Variants in SLCO3A1 observed in about 807,000 individuals in gnomAD.
SLCO3A1 encodes the protein solute carrier organic anion transporter family member 3A1.
SLCO3A1 carries 27 observed loss-of-function variants against 63.1 expected under a neutral mutation model. The ratio of observed to expected loss-of-function variants is 0.43; its 90% confidence interval spans 0.32 to 0.59. SLCO3A1 has a LOEUF of 0.59. Among genes scored for constraint, SLCO3A1 ranks in the 20% least tolerant of loss-of-function variants. The pLI is 0.09. For synonymous variants in SLCO3A1, 473 were observed against 409.9 expected (o/e 1.15, Z -1.86); for missense variants, 773 against 945.8 (o/e 0.82, Z 2.40).
At chr15:91,945,706 T>C (rs1327183734) in intron 2 of SLCO3A1, among the ~76,000 whole-genome samples, 1 of 152,202 alleles carries the variant, frequency 6.6e-6, no homozygotes, top group Non-Finnish European at 1.5e-5. Context: ...CTGAGTGTAA[T>C]GGGAATCCAC....
At chr15:91,997,832 T>C (rs2046209564) in intron 2 of SLCO3A1, among the ~76,000 whole-genome samples, 1 of 152,190 alleles carries the variant, frequency 6.6e-6, no homozygotes, top group Non-Finnish European at 1.5e-5. Flanking sequence ...ACTGGACCCC[T>C]ATCTTTCAAC....
intron 1 of SLCO3A1, among the ~76,000 whole-genome samples, chr15:91,857,696 C>T (rs1896959182): frequency 6.6e-6 from 1 of 152,104 alleles, no homozygotes; most frequent in Non-Finnish European, 1.5e-5. Flanking sequence ...TGTTTTAAGC[C>T]ACTCGCTGAG....
At chr15:91,977,683 G>A (rs1423578801) in intron 2 of SLCO3A1, among the ~76,000 whole-genome samples, 1 of 152,022 alleles carries the variant, frequency 6.6e-6, no homozygotes, top group Non-Finnish European at 1.5e-5. Context: ...GGTGATGGGT[G>A]CACTAAAATC....
rs560164964 is a variant in SLCO3A1, at chr15:92,157,430, C to G, written c.1754-5326C>G. Among the ~76,000 whole-genome samples, 9 of 152,228 alleles carry G rather than the reference C, an allele frequency of 5.9e-5. No individual in the cohort carries two copies. In the South Asian group the frequency reaches 8.3e-4, roughly 14 times the overall value. Reference sequence around the variant, plus strand: ...GGACACTAAAGTACACCTGGCCCCCCCCCTTGTCCTCCCTTCTGGACACAC... The same window carrying G: ...GGACACTAAAGTACACCTGGCCCCCGCCCTTGTCCTCCCTTCTGGACACAC... On this transcript the variant is annotated intron_variant, in intron 9 of 9. Transcript: ENST00000318445.
intron 2 of SLCO3A1, among the ~76,000 whole-genome samples, chr15:92,004,495 C>T (rs776609337): frequency 1.3e-5 from 2 of 152,204 alleles, no homozygotes; most frequent in Non-Finnish European, 2.9e-5. Context: ...TTCTGCTCCA[C>T]GCAGCATTAG....
intron 2 of SLCO3A1, among the ~76,000 whole-genome samples, chr15:91,922,373 G>A (rs1229472385): frequency 6.6e-6 from 1 of 152,192 alleles, no homozygotes; most frequent in Non-Finnish European, 1.5e-5. Context: ...ACACAAAAAT[G>A]TGTCACGTTT....
chr15:91,963,888 T>C (rs1313659980), intron 2 of SLCO3A1, among the ~76,000 whole-genome samples: 10 of 152,114 alleles, frequency 6.6e-5, no homozygotes, highest in Admixed American at 6.5e-4. Flanking sequence ...AGGTTGCCGC[T>C]GCTATTTCGG....
At chr15:92,011,574 A>C (rs1323213829) in intron 2 of SLCO3A1, among the ~76,000 whole-genome samples, 2 of 152,232 alleles carry the variant, frequency 1.3e-5, no homozygotes, top group Non-Finnish European at 2.9e-5. Flanking sequence ...AAAATGCAAG[A>C]ATCCCCCACT....
intron 2 of SLCO3A1, among the ~76,000 whole-genome samples, chr15:91,998,439 G>C (rs996253204): frequency 6.6e-6 from 1 of 152,000 alleles, no homozygotes; most frequent in African/African-American, 2.4e-5. Context: ...GGGTGACAGA[G>C]TGAGACTCTG....
At chr15:91,925,829 G>A (rs1276619695) in intron 2 of SLCO3A1, among the ~76,000 whole-genome samples, 1 of 152,154 alleles carries the variant, frequency 6.6e-6, no homozygotes, top group Non-Finnish European at 1.5e-5. Flanking sequence ...GAGCAAAAGG[G>A]CTTCCTAGAT....
chr15:92,014,113 A>G (rs547221796), intron 2 of SLCO3A1, among the ~76,000 whole-genome samples: 8 of 151,836 alleles, frequency 5.3e-5, no homozygotes, highest in Non-Finnish European at 7.4e-5. Context: ...ACCTGAGCCC[A>G]TTTTCCTTTG....
intron 1 of SLCO3A1, among the ~76,000 whole-genome samples, chr15:91,890,854 C>G (rs1374767626): frequency 6.6e-6 from 1 of 152,168 alleles, no homozygotes; most frequent in East Asian, 1.9e-4. Flanking sequence ...CTGCCCTGGC[C>G]AGACTGCGAG....
At chr15:91,855,474 C>A (rs1896894012) in intron 1 of SLCO3A1, among the ~76,000 whole-genome samples, 1 of 152,208 alleles carries the variant, frequency 6.6e-6, no homozygotes, top group South Asian at 2.1e-4. Context: ...GCGTTTACAT[C>A]CCGGTCTCTG....
chr15:91,918,137 G>A (rs1287767308), intron 2 of SLCO3A1, among the ~76,000 whole-genome samples: 5 of 152,200 alleles, frequency 3.3e-5, no homozygotes, highest in African/African-American at 1.2e-4. Context: ...CCCCACACTG[G>A]GTGAGGGTTG....
chr15:92,038,049 C>T (rs2046749432), intron 2 of SLCO3A1, among the ~76,000 whole-genome samples: 1 of 152,178 alleles, frequency 6.6e-6, no homozygotes. Context: ...GACCAAGAAC[C>T]TCCCATGAAG....
At chr15:92,166,429 T>C (rs2048494105), downstream of SLCO3A1, among the ~76,000 whole-genome samples, 1 of 152,226 alleles carries the variant, frequency 6.6e-6, no homozygotes, top group Admixed American at 6.5e-5. Flanking sequence ...AATCACTTCC[T>C]TCTCACCATC....
chr15:91,909,441 A>G (rs1392063045), intron 1 of SLCO3A1, among the ~76,000 whole-genome samples: 1 of 152,152 alleles, frequency 6.6e-6, no homozygotes, highest in Non-Finnish European at 1.5e-5. Flanking sequence ...TTTTACAGAG[A>G]AAGTATGCCA....
chr15:92,110,409 A>G (rs1436049424), intron 4 of SLCO3A1, among the ~76,000 whole-genome samples: 1 of 152,090 alleles, frequency 6.6e-6, no homozygotes, highest in Admixed American at 6.5e-5. Context: ...TAAGGTATGG[A>G]GACAAAGTCC....
chr15:92,051,923 C>T (rs2046962665), intron 2 of SLCO3A1, among the ~76,000 whole-genome samples: 1 of 152,154 alleles, frequency 6.6e-6, no homozygotes, highest in African/African-American at 2.4e-5. Flanking sequence ...GATGTCAGTA[C>T]TATTTTGGGC....
Sources: gnomAD v4.1 joint callset for allele counts (sites outside exome capture counted in the v4.1 genomes callset) on GRCh38, gnomAD v4.1.1 for gene constraint, MANE v1.5 for transcripts, NCBI Gene and HGNC (gene_info 2026-07-23, HGNC 2026-07-21) for gene names.